The following TENM2 variants were observed in gnomAD, a reference collection of about 807,000 sequenced individuals.
TENM2 encodes teneurin-2.
A neutral mutation model predicts 245.2 loss-of-function variants in TENM2; 52 were observed. That is an observed-to-expected ratio of 0.21 (90% CI 0.17 to 0.27). The LOEUF is 0.27. TENM2 is among the 10% of genes least tolerant of loss of function. The pLI is 1.00. For synonymous variants in TENM2, 1,363 were observed against 1,438.9 expected (o/e 0.95, Z 1.19); for missense variants, 3,046 against 3,666.8 (o/e 0.83, Z 4.37).
At chr5:167,897,068 C>G (rs1389946082) in intron 3 of TENM2, among the ~76,000 whole-genome samples, 1 of 152,206 alleles carries the variant, frequency 6.6e-6, no homozygotes, top group East Asian at 1.9e-4. Context: ...GCTCATCATT[C>G]TATCACGCAT....
At chr5:167,019,835 G>C in the TENM2 span, among the ~76,000 whole-genome samples, 1 of 151,900 alleles carries the variant, frequency 6.6e-6, no homozygotes, top group African/African-American at 2.4e-5. Context: ...TAAAATTTAG[G>C]GTATATTTAT....
chr5:167,870,700 C>T (rs1314097646), intron 2 of TENM2, among the ~76,000 whole-genome samples: 1 of 139,554 alleles, frequency 7.2e-6, no homozygotes, highest in Non-Finnish European at 1.5e-5. Context: ...TGAAATAAAG[C>T]AAGATCTATA....
At chr5:167,505,435 A>C (rs1319443762) in intron 2 of TENM2, among the ~76,000 whole-genome samples, 1 of 152,204 alleles carries the variant, frequency 6.6e-6, no homozygotes, top group African/African-American at 2.4e-5. Context: ...TAAATATTTA[A>C]AGCACAGAGA....
At chr5:167,886,534 T>C (rs1774303913) in intron 3 of TENM2, among the ~76,000 whole-genome samples, 1 of 152,084 alleles carries the variant, frequency 6.6e-6, no homozygotes, top group Admixed American at 6.6e-5. Flanking sequence ...CTAAATAAAA[T>C]GGAAAATGCA....
intron 3 of TENM2, among the ~76,000 whole-genome samples, chr5:167,894,990 G>GAAGGAAGGAAGGAAGGA (rs1421649847): frequency 7.3e-6 from 1 of 136,662 alleles, no homozygotes; most frequent in East Asian, 2.3e-4. Flanking sequence ...AGGAAGGAAG[G>GAAGGAAGGAAGGAAGGA]AGGGAAGGAA....
chr5:167,398,982 C>G (rs892063302), intron 2 of TENM2, among the ~76,000 whole-genome samples: 5 of 152,122 alleles, frequency 3.3e-5, no homozygotes, highest in Admixed American at 6.6e-5. Context: ...CTTCATAACC[C>G]TTGGCTGTCA....
chr5:167,369,016 T>C (rs1760237148), intron 1 of TENM2, among the ~76,000 whole-genome samples: 1 of 151,494 alleles, frequency 6.6e-6, no homozygotes, highest in Non-Finnish European at 1.5e-5. Flanking sequence ...AAAATTTTAC[T>C]CTGGTGTGTT....
At chr5:167,651,053 C>T (rs1754425590) in intron 2 of TENM2, among the ~76,000 whole-genome samples, 1 of 151,984 alleles carries the variant, frequency 6.6e-6, no homozygotes, top group Non-Finnish European at 1.5e-5. Context: ...GGTAAAAGAA[C>T]ATCCTCATTT....
the TENM2 span, among the ~76,000 whole-genome samples, chr5:167,201,806 A>G: frequency 1.3e-5 from 2 of 152,128 alleles, no homozygotes; most frequent in Admixed American, 1.3e-4. Flanking sequence ...AGTGTCTTGG[A>G]GAACTGATTG....
chr5:167,449,633 A>G (rs181410569), intron 2 of TENM2, among the ~76,000 whole-genome samples: 24 of 152,304 alleles, frequency 1.6e-4, no homozygotes, highest in African/African-American at 5.8e-4. Flanking sequence ...TCACATGTAT[A>G]CTGAGTGAAA....
intron 2 of TENM2, among the ~76,000 whole-genome samples, chr5:167,861,035 T>C (rs1021854558): frequency 2.2e-5 from 1 of 45,370 alleles, no homozygotes; most frequent in African/African-American, 9.1e-5. Context: ...CCAAGAATTA[T>C]CAATAAAAAA....
chr5:167,405,927 C>A (rs1762615300), intron 2 of TENM2, among the ~76,000 whole-genome samples: 1 of 152,034 alleles, frequency 6.6e-6, no homozygotes, highest in Admixed American at 6.6e-5. Flanking sequence ...AACCCCCAAA[C>A]TAAGCCATTT....
Position 168,203,733 on chromosome 5 carries a change from T to C in TENM2, c.3475T>C (p.Trp1159Arg), listed in dbSNP as rs1447401861. ...TGAGACCTGTCCCAGTCTAATTCTCTGGGAGAAAAGGACAGCCCTCCTTCA... is the reference window on the plus strand; with the variant it reads ...TGAGACCTGTCCCAGTCTAATTCTCCGGGAGAAAAGGACAGCCCTCCTTCA... The change falls in exon 18 of 29, where the codon TGG becomes CGG. Residue 1159 changes from tryptophan (W) to arginine (R), a missense_variant. This residue lies in a region of TENM2 where 2,704 missense variants were observed against 3,331.9 expected (regional missense o/e 0.81). Transcript: ENST00000518659. 7 of 1,612,906 alleles carry C rather than the reference T, an allele frequency of 4.3e-6. No individual in the cohort carries two copies. The Admixed American group carries it at 6.7e-5, about 15-fold the overall frequency.
At chr5:167,681,834 A>G (rs1248153735) in intron 2 of TENM2, among the ~76,000 whole-genome samples, 1 of 152,040 alleles carries the variant, frequency 6.6e-6, no homozygotes, top group Non-Finnish European at 1.5e-5. Context: ...TTTCAATTTT[A>G]TATGTCTGGG....
At chr5:167,286,494 A>G (rs1313850977) in intron 1 of TENM2, among the ~76,000 whole-genome samples, 1 of 152,200 alleles carries the variant, frequency 6.6e-6, no homozygotes, top group Non-Finnish European at 1.5e-5. Context: ...TGGCTTAATT[A>G]ACTGAGAGAG....
intron 2 of TENM2, among the ~76,000 whole-genome samples, chr5:167,397,285 C>A (rs1206166130): frequency 2.0e-5 from 3 of 151,054 alleles, no homozygotes; most frequent in African/African-American, 7.3e-5. Context: ...AAGGCAAACT[C>A]AAAAAAAATG....
the TENM2 span, among the ~76,000 whole-genome samples, chr5:167,152,992 G>A: frequency 6.6e-6 from 1 of 151,964 alleles, no homozygotes; most frequent in Non-Finnish European, 1.5e-5. Flanking sequence ...ATATGTCCTG[G>A]TTACTGGAGA....
At chr5:167,911,150 A>G (rs1776513516) in intron 3 of TENM2, among the ~76,000 whole-genome samples, 1 of 152,196 alleles carries the variant, frequency 6.6e-6, no homozygotes, top group African/African-American at 2.4e-5. Flanking sequence ...GATGAATGTA[A>G]CTATCTATGG....
chr5:167,319,469 C>T (rs1280883522), intron 1 of TENM2, among the ~76,000 whole-genome samples: 1 of 152,086 alleles, frequency 6.6e-6, no homozygotes, highest in African/African-American at 2.4e-5. Flanking sequence ...TACATTTACC[C>T]ATACAACCTA....
Sources: allele counts gnomAD v4.1 joint callset (sites outside exome capture counted in the v4.1 genomes callset), GRCh38; gene constraint gnomAD v4.1.1; regional missense constraint gnomAD v4.1.1; transcripts MANE v1.5; gene names NCBI Gene and HGNC (gene_info 2026-07-23, HGNC 2026-07-21).